CPLANE1: variants seen among roughly 807,000 people sequenced by gnomAD.
CPLANE1 encodes ciliogenesis and planar polarity effector 1.
CPLANE1 carries 263 observed loss-of-function variants against 362.5 expected under a neutral mutation model. The observed-to-expected ratio is 0.73, with a 90% CI of 0.66 to 0.80. The LOEUF is 0.80. Ranked by LOEUF, CPLANE1 falls within the 30% of genes least tolerant of loss-of-function variation. The probability of loss-of-function intolerance (pLI) is 0.00; values close to 1 mark genes in which losing one functional copy is unlikely to be tolerated. For synonymous variants in CPLANE1, 1,212 were observed against 1,302.6 expected, an observed-to-expected ratio of 0.93 and a Z score of 1.50; for missense variants, 3,461 against 3,793.4, an observed-to-expected ratio of 0.91 and a Z score of 2.30.
chr5:37,170,112 G>T lies in CPLANE1; in HGVS notation c.6391C>A (p.Pro2131Thr). 6.2e-7 allele frequency: 1 copy of T among 1,614,090 alleles called. No homozygotes were observed. The highest frequency in any genetic ancestry group is 8.5e-7 in the Non-Finnish European group (1 of 1,180,006). The change falls in exon 33 of 53, where the codon CCT (proline) becomes ACT (threonine). Residue 2131 changes from proline (P) to threonine (T), a missense_variant. By Grantham distance (38) the Pro-to-Thr change is conservative (BLOSUM62 -1). Around this residue, in one of 2 missense-constraint regions of CPLANE1, gnomAD observed 3,380 missense variants for 3,666.1 expected, o/e 0.92. Transcript: ENST00000651892. Reference protein sequence around the residue: ...PQSMGENAREPRKNSPHCHEG... With the variant: ...PQSMGENARETRKNSPHCHEG... ...TGGCAGTGTGGGCTGTTCTTGCGAG[G>T]CTCTCTGGCGTTCTCTCCCATTGAC...
At chr5:37,119,232 A>C (rs1347857664) in intron 50 of CPLANE1, among the ~76,000 whole-genome samples, 3 of 152,218 alleles carry the variant, frequency 2.0e-5, no homozygotes, top group Non-Finnish European at 4.4e-5. Flanking sequence ...GCTTCTTAGC[A>C]TTCCTATTCT....
At position 37,123,934 on chromosome 5, in the gene CPLANE1, C is replaced by CAT. The variant is rs1408491111; in HGVS notation, c.8958+1309_8958+1310insAT. ...CTACATTAGGCTAGGGGAACATACA[C>CAT]ACACACACACACACACACACACACA... On this transcript the variant is annotated intron_variant, in intron 47 of 52. Transcript: ENST00000651892. Among the ~76,000 whole-genome samples, 531 of 147,782 alleles carry CAT rather than the reference C, an allele frequency of 3.6e-3. 4 individuals are homozygous for CAT. Among genetic ancestry groups the CAT allele is most frequent in the African/African-American group, 0.013 (515 of 40,336 alleles).
At chr5:37,082,010 T>G in the CPLANE1 span, among the ~76,000 whole-genome samples, 1 of 151,744 alleles carries the variant, frequency 6.6e-6, no homozygotes, top group East Asian at 1.9e-4. Context: ...GGTGAATCAC[T>G]TGTACCTGGG....
chr5:37,201,874 GA>G (rs1789289937), intron 18 of CPLANE1, 66 bp from the exon 19 acceptor site: 4 of 1,160,642 alleles, frequency 3.4e-6, no homozygotes, highest in Non-Finnish European at 4.8e-6. Context: ...CATTTTGTAG[GA>G]AAAAATTTCA....
In CPLANE1 at chr5:37,227,691, A is replaced by G. The variant is rs1343917306; in HGVS notation, c.1248T>C (p.Asp416=). 1 of 1,551,476 alleles carries G rather than the reference A, an allele frequency of 6.4e-7. No homozygotes were observed. The highest frequency in any genetic ancestry group is 2.0e-5 in the Admixed American group (1 of 50,988). Residue 416 remains aspartate, a synonymous_variant, in exon 10 of 53, where the codon GAT becomes GAC. Transcript: ENST00000651892. ...HSRLPYLVIS[D]GYMVTTLRFL... is the part of the protein sequence containing the mutation. Reference sequence around the variant, plus strand: ...ATCGAAGGGTTGTGACCATATATCCATCAGATATAACGAGGTAGGGTAACC... The same window carrying G: ...ATCGAAGGGTTGTGACCATATATCCGTCAGATATAACGAGGTAGGGTAACC...
At chr5:37,162,683 AAT>A in intron 37 of CPLANE1, 117 bp from the exon 38 acceptor site, 1 of 672,838 alleles carries the variant, frequency 1.5e-6, no homozygotes, top group Non-Finnish European at 2.4e-6. Context: ...GATGTTATTA[AAT>A]TTTTTTTTTT....
At chr5:37,096,998 GAGAAAAAAAGAA>G in the CPLANE1 span, among the ~76,000 whole-genome samples, 1 of 152,038 alleles carries the variant, frequency 6.6e-6, no homozygotes, top group Non-Finnish European at 1.5e-5. Flanking sequence ...AAACAATGTG[GAGAAAAAAAGAA>G]AGAAACAAAG....
Position 37,183,432 on chromosome 5 carries a change from C to A in CPLANE1, c.4749G>T (p.Lys1583Asn). ...DIPFLTSFSG[K>N]LREHELNSLL... is the part of the protein sequence containing the mutation. ...AAGAATTAAGTTCATGTTCTCTAAG[C>A]TTTCCAGAAAAACTAGTTAGAAATG... Residue 1583 changes from lysine (K) to asparagine (N), a missense_variant, in exon 26 of 53, where the codon AAG (lysine) becomes AAT (asparagine). Around this residue, in one of 2 missense-constraint regions of CPLANE1, gnomAD observed 3,380 missense variants for 3,666.1 expected, o/e 0.92. Coordinates refer to ENST00000651892, the MANE Select transcript of CPLANE1 (RefSeq NM_001384732.1). 6.2e-7 allele frequency: 1 copy of A among 1,613,690 alleles called. No homozygotes were observed. The highest frequency in any genetic ancestry group is 1.1e-5 in the South Asian group (1 of 91,048).
At chr5:37,097,218 A>T in the CPLANE1 span, among the ~76,000 whole-genome samples, 5 of 152,136 alleles carry the variant, frequency 3.3e-5, no homozygotes, top group African/African-American at 7.2e-5. Flanking sequence ...ACAAACAAAA[A>T]AAATAAATAT....
the CPLANE1 span, among the ~76,000 whole-genome samples, chr5:37,087,618 G>A: frequency 3.9e-5 from 6 of 152,034 alleles, no homozygotes; most frequent in Non-Finnish European, 5.9e-5. Flanking sequence ...CACCACGCCC[G>A]GCTAATTTTT....
chr5:37,164,218 G>T, intron 37 of CPLANE1, 55 bp downstream of exon 37: 2 of 1,341,860 alleles, frequency 1.5e-6, no homozygotes, highest in South Asian at 2.4e-5. Flanking sequence ...CATATTTCTA[G>T]AAAGCTAATT....
At chr5:37,128,273 G>T (rs1579959698) in intron 46 of CPLANE1, among the ~76,000 whole-genome samples, 1 of 152,108 alleles carries the variant, frequency 6.6e-6, no homozygotes, top group South Asian at 2.1e-4. Context: ...AAGTAAAAAA[G>T]CTGTCACTCT....
chr5:37,204,228 G>C (rs1432080669), intron 18 of CPLANE1, among the ~76,000 whole-genome samples: 1 of 152,156 alleles, frequency 6.6e-6, no homozygotes, highest in Non-Finnish European at 1.5e-5. Flanking sequence ...AGATTTCCAA[G>C]CATTATAGGT....
Position 37,184,795 on chromosome 5 carries a change from A to T in CPLANE1, c.4474T>A (p.Tyr1492Asn). ...SVEEKSRINIYQRNAPNHMEL... is the reference protein window; with the variant it reads ...SVEEKSRININQRNAPNHMEL... Reference sequence around the variant, plus strand: ...AAAAGATCTCAATTGTACCTTTGATAGATATTTATCCTACTTTTTTCTTCA... The same window carrying T: ...AAAAGATCTCAATTGTACCTTTGATTGATATTTATCCTACTTTTTTCTTCA... Residue 1492 changes from tyrosine (Y) to asparagine (N), a missense_variant, in exon 25 of 53, where the codon TAT becomes AAT. Around this residue, in one of 2 missense-constraint regions of CPLANE1, gnomAD observed 3,380 missense variants for 3,666.1 expected, o/e 0.92. Transcript: ENST00000651892. The T allele has an allele frequency of 6.2e-7, 1 of 1,609,138 alleles. No homozygotes were observed. The highest frequency in any genetic ancestry group is 8.5e-7 in the Non-Finnish European group (1 of 1,178,120).
intron 44 of CPLANE1, chr5:37,141,723 T>C: frequency 1.0e-6 from 1 of 983,700 alleles, no homozygotes; most frequent in Non-Finnish European, 1.2e-6. Flanking sequence ...CTGATGTATT[T>C]ACTATGTTCT....
At chr5:37,125,484 CTATT>C in intron 46 of CPLANE1, 75 bp from the exon 47 acceptor site, 4 of 1,397,966 alleles carry the variant, frequency 2.9e-6, no homozygotes, top group South Asian at 1.2e-5. Flanking sequence ...TGACTAAACA[CTATT>C]TATCCGGAAA....
chr5:37,229,242 A>G (rs1362277120), intron 9 of CPLANE1, among the ~76,000 whole-genome samples: 1 of 151,564 alleles, frequency 6.6e-6, no homozygotes, highest in East Asian at 1.9e-4. Flanking sequence ...AATTAAATTA[A>G]ATGTCATTTT....
At position 37,226,906 on chromosome 5, in the gene CPLANE1, A is replaced by G. The variant is rs553860459; in HGVS notation, c.1689T>C (p.Asp563=). The G allele has an allele frequency of 2.3e-5, 35 of 1,551,792 alleles. 1 individual carries two copies. In the East Asian group the frequency reaches 6.1e-4, roughly 27 times the overall value. The change falls in exon 12 of 53, where the codon GAT becomes GAC. Residue 563 remains aspartate (D), a synonymous_variant. Coordinates refer to ENST00000651892, the MANE Select transcript of CPLANE1 (RefSeq NM_001384732.1). ...TAGAATGCAGTTCTGTAATGGTTCT[A>G]TCTGTCTCCTCACTATCATCCTTTG... ...IHAKDDSEET[D]RTITELHSIQ...
intron 42 of CPLANE1, among the ~76,000 whole-genome samples, chr5:37,152,686 G>C (rs1452143379): frequency 6.6e-6 from 1 of 152,018 alleles, no homozygotes; most frequent in East Asian, 1.9e-4. Context: ...AAGAATTCAA[G>C]GCTAGTTCAA....
Sources: allele counts gnomAD v4.1 joint callset (sites outside exome capture counted in the v4.1 genomes callset), GRCh38; gene constraint gnomAD v4.1.1; regional missense constraint gnomAD v4.1.1; transcripts MANE v1.5; gene names NCBI Gene and HGNC (gene_info 2026-07-23, HGNC 2026-07-21).